The following RNF17 variants were observed in gnomAD, a reference collection of about 807,000 sequenced individuals.
RNF17 encodes the protein ring finger protein 17.
RNF17 carries 31 observed loss-of-function variants against 200.5 expected under a neutral mutation model. That is an observed-to-expected ratio of 0.15 (90% CI 0.12 to 0.21). RNF17 has a LOEUF of 0.21. RNF17 is among the 10% of genes least tolerant of loss of function. The probability of loss-of-function intolerance (pLI) is 1.00; values close to 1 mark genes in which losing one functional copy is unlikely to be tolerated. For missense variants in RNF17, 1,628 were observed against 1,905.1 expected (o/e 0.85, Z 2.71); for synonymous variants, 606 against 637.8 (o/e 0.95, Z 0.75).
chr13:24,864,811 A>C, intron 28 of RNF17, 62 bp from the exon 29 acceptor site: 2 of 1,190,834 alleles, frequency 1.7e-6, no homozygotes. Context: ...ATATTTGCTG[A>C]CTATAAAAAT....
chr13:24,805,232 A>G (rs1885706785), intron 15 of RNF17, among the ~76,000 whole-genome samples: 1 of 152,186 alleles, frequency 6.6e-6, no homozygotes, highest in Non-Finnish European at 1.5e-5. Context: ...ATAATTTTAT[A>G]GTTTTTAATA....
intron 30 of RNF17, among the ~76,000 whole-genome samples, chr13:24,867,645 A>T (rs1467972767): frequency 5.3e-5 from 8 of 152,220 alleles, no homozygotes; most frequent in African/African-American, 1.9e-4. Context: ...TTTACTTAAG[A>T]TAATTACCAT....
At chr13:24,876,692 CAT>C (rs1470536197) in intron 33 of RNF17, among the ~76,000 whole-genome samples, 3 of 152,146 alleles carry the variant, frequency 2.0e-5, no homozygotes, top group African/African-American at 7.2e-5. Context: ...AACATCCTGT[CAT>C]GTGCTTGTTG....
intron 7 of RNF17, 70 bp from the exon 8 acceptor site, chr13:24,789,278 C>A: frequency 9.5e-7 from 1 of 1,048,050 alleles, no homozygotes; most frequent in Non-Finnish European, 1.5e-6. Flanking sequence ...AGTTTTCTTT[C>A]TAAAATCTTA....
chr13:24,850,464 T>A (rs368674104), intron 23 of RNF17, 21 bp downstream of exon 23: 10 of 1,395,044 alleles, frequency 7.2e-6, no homozygotes, highest in Non-Finnish European at 1.0e-5. Flanking sequence ...ACAAGAGATA[T>A]GTGCTGATGA....
rs753733648 is a variant in RNF17, at chr13:24,793,208, G to A, written c.1102G>A (p.Asp368Asn). ...PPPPLQPETN[D>N]VHLEAKNFQP... ...ACCTCCTTTGCAACCTGAGACAAAT[G>A]ATGTACATTTAGAAGCAAAAAACTT... The change falls in exon 10 of 36, where the codon GAT (aspartate) becomes AAT (asparagine). Residue 368 changes from aspartate (D) to asparagine (N), a missense_variant. By Grantham distance (23) the Asp-to-Asn change is conservative. Coordinates refer to ENST00000255324, the MANE Select transcript of RNF17 (RefSeq NM_031277.3). 5 of 1,614,082 alleles carry A rather than the reference G, an allele frequency of 3.1e-6. No individual in the cohort carries two copies. In the South Asian group the frequency reaches 4.4e-5, roughly 14 times the overall value.
intron 2 of RNF17, among the ~76,000 whole-genome samples, chr13:24,773,390 ATGT>A (rs1247624372): frequency 1.4e-4 from 22 of 152,344 alleles, no homozygotes; most frequent in Admixed American, 2.0e-4. Context: ...GAATGAAATA[ATGT>A]TGTTTGCAGC....
At chr13:24,847,213 CTAT>C (rs1891350060) in intron 22 of RNF17, among the ~76,000 whole-genome samples, 1 of 151,950 alleles carries the variant, frequency 6.6e-6, no homozygotes. Flanking sequence ...CGACATGGAA[CTAT>C]TATTATCTTC....
At chr13:24,825,321 A>T (rs993330705) in intron 15 of RNF17, among the ~76,000 whole-genome samples, 2 of 152,168 alleles carry the variant, frequency 1.3e-5, no homozygotes, top group Admixed American at 6.5e-5. Context: ...ATGTGTGGTA[A>T]AGTCTAGTTT....
At chr13:24,888,280 A>G in the RNF17 span, among the ~76,000 whole-genome samples, 1 of 152,184 alleles carries the variant, frequency 6.6e-6, no homozygotes, top group African/African-American at 2.4e-5. Context: ...CAAACTGAAA[A>G]GCCAAACCCA....
In RNF17 at chr13:24,852,118, A is replaced by C. The variant is rs1347972103; in HGVS notation, c.3320+547A>C. Among the ~76,000 whole-genome samples the C allele has an allele frequency of 7.3e-5, 11 of 149,700 alleles. No homozygotes were observed. In the Admixed American group the frequency reaches 7.4e-4, roughly 10 times the overall value. The stretch of plus-strand genomic sequence containing the variant: ...CAGGATATGGTTGTGGCTCTAGCTT[A>C]ATCTTTTCTCTCTCTCTCTTTTTTT... On this transcript the variant is annotated intron_variant, in intron 24 of 35. Coordinates refer to ENST00000255324, the MANE Select transcript of RNF17 (RefSeq NM_031277.3).
At chr13:24,780,537 C>G (rs1195044805) in intron 5 of RNF17, among the ~76,000 whole-genome samples, 1 of 152,152 alleles carries the variant, frequency 6.6e-6, no homozygotes, top group Non-Finnish European at 1.5e-5. Flanking sequence ...TCACCCCATC[C>G]TGACACCCCC....
At chr13:24,794,379 G>A (rs944419780) in intron 10 of RNF17, 1 of 329,898 alleles carries the variant, frequency 3.0e-6, no homozygotes, top group Non-Finnish European at 5.9e-6. Context: ...AATGTTAAAA[G>A]TTTTAATTCC....
chr13:24,763,369 A>AT (rs34750040), upstream of RNF17, among the ~76,000 whole-genome samples: 26,043 of 114,558 alleles, frequency 0.23, 3,183 homozygotes, highest in East Asian at 0.27. Context: ...CGTCCGGCTA[A>AT]TTTTTTTTTT....
intron 15 of RNF17, among the ~76,000 whole-genome samples, chr13:24,811,933 T>G (rs1886690354): frequency 6.6e-6 from 1 of 151,888 alleles, no homozygotes; most frequent in Non-Finnish European, 1.5e-5. Flanking sequence ...TGCTGGGGGG[T>G]GCCTCCCAGT....
At chr13:24,872,345 A>G (rs1023732403) in intron 32 of RNF17, among the ~76,000 whole-genome samples, 9 of 152,198 alleles carry the variant, frequency 5.9e-5, no homozygotes, top group Non-Finnish European at 1.0e-4. Flanking sequence ...TTAGTCAAGT[A>G]TTTTAATGCC....
At chr13:24,835,317 A>C (rs1259621232) in intron 18 of RNF17, among the ~76,000 whole-genome samples, 1 of 151,894 alleles carries the variant, frequency 6.6e-6, no homozygotes, top group Non-Finnish European at 1.5e-5. Flanking sequence ...TCCTCGTACT[A>C]CCACAGCTGA....
At chr13:24,771,415 G>C (rs1268850108) in intron 2 of RNF17, among the ~76,000 whole-genome samples, 1 of 136,742 alleles carries the variant, frequency 7.3e-6, no homozygotes, top group African/African-American at 2.7e-5. Flanking sequence ...GGCTGGTCAC[G>C]CCTTAGCCTT....
rs1238616500 is a variant in RNF17, at chr13:24,770,846, A to AT, written c.225+3487dup. ...TTATTGATAAACATTTAGTTTTAAA[A>AT]TTTTTTTCACTATAATTGTGTACAA... On this transcript the variant is annotated intron_variant, in intron 2 of 35. Coordinates refer to ENST00000255324, the MANE Select transcript of RNF17 (RefSeq NM_031277.3). Among the ~76,000 whole-genome samples the AT allele has an allele frequency of 5.9e-5, 9 of 152,228 alleles. No individual in the cohort carries two copies. In the South Asian group the frequency reaches 1.5e-3, roughly 25 times the overall value.
Sources: gnomAD v4.1 joint callset for allele counts (sites outside exome capture counted in the v4.1 genomes callset) on GRCh38, gnomAD v4.1.1 for gene constraint, MANE v1.5 for transcripts, NCBI Gene and HGNC (gene_info 2026-07-23, HGNC 2026-07-21) for gene names.